ZNF2: variants seen among roughly 807,000 people sequenced by gnomAD.
ZNF2 encodes zinc finger protein 2.
Under a neutral mutation model 21.9 loss-of-function variants are expected in ZNF2, and 12 were observed. The ratio of observed to expected loss-of-function variants is 0.55; its 90% CI spans 0.35 to 0.89. The LOEUF (loss-of-function observed/expected upper bound fraction) is 0.89, where lower values mean the gene tolerates loss of function less well. ZNF2 is among the 40% of genes least tolerant of loss of function. The pLI is 0.01. For synonymous variants in ZNF2, 186 were observed against 196.3 expected (o/e 0.95, Z 0.44); for missense variants, 462 against 544.2 (o/e 0.85, Z 1.50).
At chr2:95,165,972 G>T (rs1674014501) in intron 1 of ZNF2, 112 bp downstream of exon 1, 1 of 152,190 alleles carries the variant, frequency 6.6e-6, no homozygotes, top group Non-Finnish European at 1.5e-5. Context: ...TGACACGGGC[G>T]AGGCCAGCCT....
rs369246154 is a variant in ZNF2 at position 95,182,085 on chromosome 2, C to A, written c.1257C>A (p.Tyr419Ter). The change falls in exon 5 of 5, where the codon TAC becomes TAA. Residue 419 changes from tyrosine (Y) to a stop codon, truncating the protein, a stop_gained. Transcript: ENST00000614034. LOFTEE classifies it high-confidence loss of function. ...KSSVIQHQRR[Y>*]AKQGID ...CTGTTATTCAACATCAACGGCGTTA[C>A]GCCAAACAGGGAATAGACTGAGTTG... The A allele has an allele frequency of 6.2e-7, 1 of 1,607,618 alleles. No homozygotes were observed. Among genetic ancestry groups the A allele is most frequent in the East Asian group, 2.2e-5 (1 of 44,748 alleles).
intron 1 of ZNF2, among the ~76,000 whole-genome samples, chr2:95,173,797 C>T (rs1229417408): frequency 6.6e-6 from 1 of 152,252 alleles, no homozygotes; most frequent in Non-Finnish European, 1.5e-5. Context: ...CAACCTCCGC[C>T]TCCCAGGGTC....
In ZNF2 at chr2:95,182,274, A is replaced by G. The variant is rs571460061; in HGVS notation, c.*168A>G. On this transcript the variant is annotated 3_prime_UTR_variant, in exon 5 of 5. Transcript: ENST00000614034. ...CACTCCCTTCCTGCTGTGTTATAGA[A>G]CTGTAGGGGAGGCCATGGAAATGAC... 5.2e-4 allele frequency: 414 copies of G among 803,344 alleles called. 5 individuals are homozygous for G. The highest frequency in any genetic ancestry group is 4.5e-5 in the Non-Finnish European group (24 of 530,202). The allele number at this position is 803,344 out of a possible 1,614,324, so 49.8% of individuals were successfully genotyped here.
intron 4 of ZNF2, 178 bp from the exon 5 acceptor site, chr2:95,180,925 T>C (rs1275334908): frequency 5.7e-6 from 4 of 700,016 alleles, no homozygotes; most frequent in African/African-American, 1.8e-5. Context: ...CCATCCATTC[T>C]GTTCCCTGCC....
intron 1 of ZNF2, among the ~76,000 whole-genome samples, chr2:95,169,941 G>A (rs548268778): frequency 9.2e-5 from 14 of 152,182 alleles, no homozygotes; most frequent in South Asian, 8.3e-4. Context: ...TATTACTTCC[G>A]TTATTCCAGT....
intron 1 of ZNF2, among the ~76,000 whole-genome samples, chr2:95,171,592 A>G (rs1246239313): frequency 2.6e-5 from 4 of 152,092 alleles, no homozygotes; most frequent in Non-Finnish European, 5.9e-5. Context: ...CATCTTGGCC[A>G]GGCTGGTCTT....
chr2:95,166,117 C>T (rs1179611752), intron 1 of ZNF2, among the ~76,000 whole-genome samples: 1 of 151,638 alleles, frequency 6.6e-6, no homozygotes, highest in Non-Finnish European at 1.5e-5. Context: ...TTGGAGTCTT[C>T]CTCCGCCTCT....
In ZNF2 at chr2:95,182,451, C is replaced by T. The variant is rs1674710692; in HGVS notation, c.*345C>T. ...AGGAGGGAAAGGCAGAATGATATCA[C>T]AGCAGTACTATTTTTTTTTTTCAGA... is the stretch of plus-strand genomic sequence containing the variant. On this transcript the variant is annotated 3_prime_UTR_variant, in exon 5 of 5. Transcript: ENST00000614034. The T allele has an allele frequency of 4.9e-6, 1 of 204,844 alleles. No homozygotes were observed. Among genetic ancestry groups the T allele is most frequent in the South Asian group, 1.4e-4 (1 of 7,352 alleles). 12.7% of individuals were successfully genotyped at this position (204,844 alleles called of 1,614,324 possible). A position where few individuals can be genotyped will look rare whatever the true frequency, so the allele number is the denominator to read the frequency against.
chr2:95,173,385 C>T lies in ZNF2; in HGVS notation c.-39-2803C>T, dbSNP rs1674346281. ...TCTCCCCAGTGACTTGTAATGCCAC[C>T]TCAGTCATACATCAGGCTTCCCTAA... is the stretch of plus-strand genomic sequence containing the variant. On this transcript the variant is annotated intron_variant, in intron 1 of 4. Coordinates refer to ENST00000614034, the MANE Select transcript of ZNF2 (RefSeq NM_021088.4). 2.6e-5 allele frequency among the ~76,000 whole-genome samples: 4 copies of T among 152,234 alleles called. No individual in the cohort carries two copies. The South Asian group carries it at 6.2e-4, about 24-fold the overall frequency.
chr2:95,171,382 CTTT>C (rs753994075), intron 1 of ZNF2, among the ~76,000 whole-genome samples: 1 of 141,278 alleles, frequency 7.1e-6, no homozygotes. Context: ...TCTTCTTCTT[CTTT>C]TTTTTTTTTT....
intron 1 of ZNF2, among the ~76,000 whole-genome samples, chr2:95,172,900 G>A (rs1674329060): frequency 1.3e-5 from 2 of 151,242 alleles, no homozygotes; most frequent in South Asian, 4.2e-4. Flanking sequence ...GTCTCCCAAA[G>A]TGCTGGGATT....
At position 95,182,253 on chromosome 2, in the gene ZNF2, C is replaced by T. The variant is rs1263737945; in HGVS notation, c.*147C>T. ...TGCGCCAGAGTGTTTAATAAGCACTCCCTTCCTGCTGTGTTATAGAACTGT... is the reference window on the plus strand; with the variant it reads ...TGCGCCAGAGTGTTTAATAAGCACTTCCTTCCTGCTGTGTTATAGAACTGT... On this transcript the variant is annotated 3_prime_UTR_variant, in exon 5 of 5. Coordinates refer to ENST00000614034, the MANE Select transcript of ZNF2 (RefSeq NM_021088.4). 1.0e-5 allele frequency: 10 copies of T among 999,362 alleles called. No individual in the cohort carries two copies. The highest frequency in any genetic ancestry group is 1.4e-5 in the Non-Finnish European group (10 of 695,194). The allele number at this position is 999,362 out of a possible 1,614,324, so 61.9% of individuals were successfully genotyped here.
chr2:95,166,011 C>A (rs1481154391), intron 1 of ZNF2, among the ~76,000 whole-genome samples, 151 bp downstream of exon 1: 1 of 151,992 alleles, frequency 6.6e-6, no homozygotes, highest in African/African-American at 2.4e-5. Flanking sequence ...CGTCTCGGTG[C>A]GGACGGAAAG....
At chr2:95,180,092 G>A in intron 3 of ZNF2, 67 bp from the exon 4 acceptor site, 2 of 1,129,796 alleles carry the variant, frequency 1.8e-6, no homozygotes, top group Non-Finnish European at 2.7e-6. Context: ...CTGGGATTGA[G>A]CTTTGGGAGA....
At chr2:95,178,293 G>A (rs763768670) in intron 3 of ZNF2, among the ~76,000 whole-genome samples, 4 of 152,096 alleles carry the variant, frequency 2.6e-5, no homozygotes, top group Admixed American at 6.5e-5. Context: ...TTGAGAAACC[G>A]GCTTAAAATA....
Position 95,182,176 on chromosome 2 carries a change from C to T in ZNF2, c.*70C>T. The T allele has an allele frequency of 1.3e-6, 2 of 1,519,668 alleles. No homozygotes were observed. Among genetic ancestry groups the T allele is most frequent in the Non-Finnish European group, 8.8e-7 (1 of 1,135,528 alleles). 94.1% of individuals were successfully genotyped at this position (1,519,668 alleles called of 1,614,324 possible). Reference sequence around the variant, plus strand: ...GAGATAGATCTCGCCTGTCTTAAAGCTGCCATTTGCTCATTCTACCCACTC... The same window carrying T: ...GAGATAGATCTCGCCTGTCTTAAAGTTGCCATTTGCTCATTCTACCCACTC... On this transcript the variant is annotated 3_prime_UTR_variant, in exon 5 of 5. Transcript: ENST00000614034.
rs1674172026 is a variant in ZNF2 at position 95,168,755 on chromosome 2, T to G, written c.-40+2895T>G. Among the ~76,000 whole-genome samples the G allele has an allele frequency of 2.0e-5, 3 of 152,234 alleles. No homozygotes were observed. In the South Asian group the frequency reaches 6.2e-4, roughly 31 times the overall value. ...AGTTAGGTGGTAAACAACTGTTGGC[T>G]TAAGTAACTCATCCAAGGCTTCATG... On this transcript the variant is annotated intron_variant, in intron 1 of 4. Coordinates refer to ENST00000614034, the MANE Select transcript of ZNF2 (RefSeq NM_021088.4).
intron 1 of ZNF2, among the ~76,000 whole-genome samples, chr2:95,170,992 G>A (rs1228360094): frequency 6.6e-6 from 1 of 152,096 alleles, no homozygotes; most frequent in Non-Finnish European, 1.5e-5. Context: ...ATAGAAAAAA[G>A]TACCTTTTTA....
At chr2:95,177,439 A>G in intron 2 of ZNF2, 44 bp from the exon 3 acceptor site, 1 of 1,595,720 alleles carries the variant, frequency 6.3e-7, no homozygotes, top group Non-Finnish European at 8.5e-7. Flanking sequence ...GGTCCAAGTA[A>G]AGAGAAGGAT....
Sources: gnomAD v4.1 joint callset for allele counts (sites outside exome capture counted in the v4.1 genomes callset) on GRCh38, gnomAD v4.1.1 for gene constraint, MANE v1.5 for transcripts, NCBI Gene and HGNC (gene_info 2026-07-23, HGNC 2026-07-21) for gene names.